EXT1: variants seen among roughly 807,000 people sequenced by gnomAD.
EXT1 encodes the protein exostosin-1.
Under a neutral mutation model 82.5 loss-of-function variants are expected in EXT1, and 20 were observed. That is an observed-to-expected ratio of 0.24 (90% CI 0.17 to 0.35). EXT1 has a LOEUF of 0.35. Ranked by LOEUF, EXT1 falls within the 10% of genes least tolerant of loss-of-function variation. EXT1 has a pLI of 1.00. For missense variants in EXT1, 757 were observed against 936.5 expected, an observed-to-expected ratio of 0.81 and a Z score of 2.50; for synonymous variants, 348 against 350.8, an observed-to-expected ratio of 0.99 and a Z score of 0.09.
intron 1 of EXT1, among the ~76,000 whole-genome samples, chr8:117,930,505 T>A (rs896928893): frequency 1.3e-5 from 2 of 152,046 alleles, no homozygotes; most frequent in African/African-American, 4.8e-5. Context: ...TCAACCCCCA[T>A]CCCCAAAAAA....
intron 1 of EXT1, among the ~76,000 whole-genome samples, chr8:117,941,806 C>T (rs994550274): frequency 1.3e-5 from 2 of 152,228 alleles, no homozygotes; most frequent in African/African-American, 4.8e-5. Flanking sequence ...GAAATCACAA[C>T]TTCAAGCCTC....
intron 1 of EXT1, among the ~76,000 whole-genome samples, chr8:118,022,324 TTC>T (rs1816119833): frequency 3.0e-5 from 4 of 133,076 alleles, no homozygotes; most frequent in Non-Finnish European, 4.7e-5. Flanking sequence ...CGCATATATA[TTC>T]TTTTTTTTTT....
At chr8:117,881,846 G>A (rs182012632) in intron 1 of EXT1, among the ~76,000 whole-genome samples, 11 of 152,258 alleles carry the variant, frequency 7.2e-5, no homozygotes, top group Admixed American at 3.3e-4. Context: ...CAAAACCCAC[G>A]CCCATTGCTC....
intron 1 of EXT1, among the ~76,000 whole-genome samples, chr8:118,077,875 C>T (rs1257247294): frequency 6.6e-6 from 1 of 151,954 alleles, no homozygotes; most frequent in African/African-American, 2.4e-5. Flanking sequence ...ATTATAATTT[C>T]GATTGTGTTC....
At chr8:118,044,113 G>A (rs1213998015) in intron 1 of EXT1, among the ~76,000 whole-genome samples, 2 of 152,268 alleles carry the variant, frequency 1.3e-5, no homozygotes, top group African/African-American at 2.4e-5. Flanking sequence ...GTATAACGCC[G>A]ACTGAAATGG....
intron 1 of EXT1, among the ~76,000 whole-genome samples, chr8:118,093,895 T>C (rs1219689941): frequency 2.0e-5 from 3 of 152,188 alleles, no homozygotes; most frequent in Non-Finnish European, 2.9e-5. Context: ...CTACTGATAA[T>C]GCCATCCTCA....
intron 1 of EXT1, among the ~76,000 whole-genome samples, chr8:118,076,395 C>T (rs1260678391): frequency 6.6e-6 from 1 of 152,248 alleles, no homozygotes; most frequent in Non-Finnish European, 1.5e-5. Flanking sequence ...TTAACAACAG[C>T]TGTAAACGTT....
At chr8:118,080,965 A>AG (rs1376077459) in intron 1 of EXT1, among the ~76,000 whole-genome samples, 2 of 152,106 alleles carry the variant, frequency 1.3e-5, no homozygotes, top group Non-Finnish European at 2.9e-5. Context: ...TTGGAGGGCT[A>AG]GGGGGGAGGG....
intron 1 of EXT1, among the ~76,000 whole-genome samples, chr8:117,882,585 C>T (rs946663330): frequency 2.0e-5 from 3 of 152,188 alleles, no homozygotes; most frequent in African/African-American, 4.8e-5. Flanking sequence ...TACTATGAAG[C>T]TGTAGGGGTA....
At chr8:117,815,430 A>G (rs1028946871) in intron 7 of EXT1, among the ~76,000 whole-genome samples, 2 of 152,212 alleles carry the variant, frequency 1.3e-5, no homozygotes, top group African/African-American at 2.4e-5. Flanking sequence ...CAACAGAAGT[A>G]AAAAGCCCAT....
intron 7 of EXT1, among the ~76,000 whole-genome samples, chr8:117,815,132 T>C (rs1261047911): frequency 6.6e-6 from 1 of 152,212 alleles, no homozygotes; most frequent in Non-Finnish European, 1.5e-5. Context: ...GAAGCAATCC[T>C]CCTGATACTG....
intron 1 of EXT1, among the ~76,000 whole-genome samples, chr8:117,855,712 T>G (rs1400609189): frequency 6.6e-6 from 1 of 152,204 alleles, no homozygotes; most frequent in African/African-American, 2.4e-5. Flanking sequence ...ACTGTCACCC[T>G]GGCTGGAGGG....
intron 8 of EXT1, 35 bp downstream of exon 8, chr8:117,812,837 A>G (rs377386107): frequency 4.8e-5 from 76 of 1,581,230 alleles, no homozygotes; most frequent in Non-Finnish European, 6.2e-5. Flanking sequence ...CTGCCTGAAC[A>G]GCCCACCTGC....
chr8:118,062,572 T>C (rs758716045), intron 1 of EXT1, among the ~76,000 whole-genome samples: 1 of 152,002 alleles, frequency 6.6e-6, no homozygotes, highest in Non-Finnish European at 1.5e-5. Flanking sequence ...CCATTCAAAG[T>C]GGAAGGAATC....
intron 9 of EXT1, among the ~76,000 whole-genome samples, chr8:117,805,525 T>C (rs1823224453): frequency 6.6e-6 from 1 of 152,236 alleles, no homozygotes; most frequent in Non-Finnish European, 1.5e-5. Context: ...AATGTATTTA[T>C]ATACATATAG....
chr8:117,909,392 T>C (rs929394504), intron 1 of EXT1, among the ~76,000 whole-genome samples: 22 of 152,192 alleles, frequency 1.4e-4, no homozygotes, highest in Non-Finnish European at 1.5e-5. Context: ...TAGTATGTAA[T>C]AAAAGGAGAA....
chr8:117,922,199 T>C (rs1813869820), intron 1 of EXT1, among the ~76,000 whole-genome samples: 1 of 152,112 alleles, frequency 6.6e-6, no homozygotes, highest in Non-Finnish European at 1.5e-5. Flanking sequence ...CACTCCCAAT[T>C]TCTAAATTCC....
intron 1 of EXT1, among the ~76,000 whole-genome samples, chr8:117,847,172 G>A (rs941047404): frequency 5.3e-5 from 8 of 152,160 alleles, no homozygotes; most frequent in African/African-American, 1.7e-4. Flanking sequence ...GCATTAAAGT[G>A]TACAGGGGCT....
intron 1 of EXT1, among the ~76,000 whole-genome samples, chr8:118,064,353 G>C (rs900540438): frequency 6.7e-6 from 1 of 150,370 alleles, no homozygotes; most frequent in African/African-American, 2.5e-5. Flanking sequence ...GACAGGCCCC[G>C]GTGTATGATG....
Sources: gnomAD v4.1 joint callset for allele counts (sites outside exome capture counted in the v4.1 genomes callset) on GRCh38, gnomAD v4.1.1 for gene constraint, MANE v1.5 for transcripts, NCBI Gene and HGNC (gene_info 2026-07-23, HGNC 2026-07-21) for gene names.